DLGAP1: variants seen among roughly 807,000 people sequenced by gnomAD.
DLGAP1 encodes the protein DLG associated protein 1.
A neutral mutation model predicts 90.8 loss-of-function variants in DLGAP1; 11 were observed. That is an observed-to-expected ratio of 0.12 (90% CI 0.08 to 0.20). DLGAP1 has a LOEUF of 0.20. Ranked by LOEUF, DLGAP1 falls within the 10% of genes least tolerant of loss-of-function variation. The pLI is 1.00. For synonymous variants in DLGAP1, 558 were observed against 540.7 expected (o/e 1.03, Z -0.44); for missense variants, 1,050 against 1,333.8 (o/e 0.79, Z 3.31).
intron 1 of DLGAP1, among the ~76,000 whole-genome samples, chr18:4,382,487 CT>C (rs3044414): frequency 0.013 from 1,864 of 140,742 alleles, 18 homozygotes; most frequent in Middle Eastern, 0.026. Flanking sequence ...CAGCATTATG[CT>C]TTTTTTTTTT....
intron 7 of DLGAP1, among the ~76,000 whole-genome samples, chr18:3,680,484 G>A (rs975831027): frequency 1.3e-5 from 2 of 152,154 alleles, no homozygotes; most frequent in African/African-American, 4.8e-5. Context: ...AACCCTCAAT[G>A]CTTAGCCATT....
chr18:4,367,620 C>A (rs1052029421), intron 1 of DLGAP1, among the ~76,000 whole-genome samples: 1 of 152,018 alleles, frequency 6.6e-6, no homozygotes, highest in South Asian at 2.1e-4. Flanking sequence ...GAGGCCGAGG[C>A]GGTTGGATCA....
Position 3,840,071 on chromosome 18 carries a change from C to T in DLGAP1, c.958-25798G>A, listed in dbSNP as rs181915987. Among the ~76,000 whole-genome samples, 362 of 152,348 alleles carry T rather than the reference C, an allele frequency of 2.4e-3. 2 individuals are homozygous for T. The highest frequency in any genetic ancestry group is 3.9e-3 in the Admixed American group (59 of 15,298). ...GCCAGCGTTGCAATTCCTCTGACCA[C>T]GTATTTAGGCACACATATAATATTT... On this transcript the variant is annotated intron_variant, in intron 4 of 12. Transcript: ENST00000315677.
intron 2 of DLGAP1, among the ~76,000 whole-genome samples, chr18:4,083,120 A>G (rs1202961238): frequency 2.0e-5 from 3 of 152,126 alleles, no homozygotes; most frequent in Admixed American, 1.3e-4. Context: ...GATTCCTACT[A>G]TTGGTAGGGG....
intron 1 of DLGAP1, among the ~76,000 whole-genome samples, chr18:4,445,532 G>A (rs375197105): frequency 7.0e-6 from 1 of 142,542 alleles, no homozygotes; most frequent in African/African-American, 2.6e-5. Context: ...CCACCTATGA[G>A]TGAGAATATG....
intron 3 of DLGAP1, among the ~76,000 whole-genome samples, chr18:3,939,993 A>G (rs371039842): frequency 1.3e-5 from 2 of 152,326 alleles, no homozygotes; most frequent in East Asian, 3.9e-4. Flanking sequence ...CTCATGCTGA[A>G]TAGGGCTGAC....
At chr18:4,049,643 A>C (rs967795496) in intron 2 of DLGAP1, among the ~76,000 whole-genome samples, 5 of 152,154 alleles carry the variant, frequency 3.3e-5, no homozygotes, top group Admixed American at 1.3e-4. Context: ...CATCTGCCTT[A>C]GTCCTTGCTC....
rs377133391 is a variant in DLGAP1 at position 4,388,332 on chromosome 18, T to C, written c.-267+66674A>G. The stretch of plus-strand genomic sequence containing the variant: ...AGACGGTTTCGAAGGAAAAAATGGT[T>C]TCAGTTTTGCACATGTGCCTGTGGC... On this transcript the variant is annotated intron_variant, in intron 1 of 12. Transcript: ENST00000315677. 7.2e-5 allele frequency among the ~76,000 whole-genome samples: 11 copies of C among 151,992 alleles called. No individual in the cohort carries two copies. The East Asian group carries it at 2.2e-3, about 30-fold the overall frequency.
intron 1 of DLGAP1, among the ~76,000 whole-genome samples, chr18:4,233,405 T>C (rs1055015495): frequency 6.6e-6 from 1 of 152,208 alleles, no homozygotes; most frequent in Non-Finnish European, 1.5e-5. Context: ...CAGTTTGAGA[T>C]TGTCTGATAT....
rs1043207582 is a variant in DLGAP1, at chr18:4,084,753, G to A, written c.-159+66427C>T. ...CTTTGGGCTTTCATTTCCTGATAAAGACTCCCATGTCATGCAACACTTATT... is the reference window on the plus strand; with the variant it reads ...CTTTGGGCTTTCATTTCCTGATAAAAACTCCCATGTCATGCAACACTTATT... On this transcript the variant is annotated intron_variant, in intron 2 of 12. Transcript: ENST00000315677. The surrounding 1 kb of genome is among the most constrained non-coding windows in gnomAD (Gnocchi z 4.0). Among the ~76,000 whole-genome samples, 1 of 152,102 alleles carries A rather than the reference G, an allele frequency of 6.6e-6. No individual in the cohort carries two copies. The highest frequency in any genetic ancestry group is 1.5e-5 in the Non-Finnish European group (1 of 68,040).
chr18:4,352,546 T>C (rs1034348340), intron 1 of DLGAP1, among the ~76,000 whole-genome samples: 1 of 152,104 alleles, frequency 6.6e-6, no homozygotes, highest in African/African-American at 2.4e-5. Context: ...AATGTCCTCT[T>C]TATTTGTTTG....
chr18:4,161,400 A>T (rs751517401), intron 1 of DLGAP1, among the ~76,000 whole-genome samples: 42 of 152,176 alleles, frequency 2.8e-4, no homozygotes, highest in Admixed American at 4.6e-4. Flanking sequence ...AGCTCTATCC[A>T]TGTCCCTGTA....
At chr18:4,208,939 A>G (rs930760402) in intron 1 of DLGAP1, among the ~76,000 whole-genome samples, 1 of 152,178 alleles carries the variant, frequency 6.6e-6, no homozygotes, top group Non-Finnish European at 1.5e-5. Flanking sequence ...CAGAAAGCAG[A>G]GAGAGCTCCC....
intron 7 of DLGAP1, among the ~76,000 whole-genome samples, chr18:3,658,311 G>C (rs1372351447): frequency 6.6e-6 from 1 of 152,156 alleles, no homozygotes; most frequent in Non-Finnish European, 1.5e-5. Flanking sequence ...AATTTAATTT[G>C]TAATAATGGG....
chr18:3,540,951 G>A (rs571022820), intron 9 of DLGAP1, among the ~76,000 whole-genome samples: 7 of 152,290 alleles, frequency 4.6e-5, no homozygotes, highest in Admixed American at 2.6e-4. Context: ...AGCTGGGCAG[G>A]TGCTAATACC....
intron 2 of DLGAP1, among the ~76,000 whole-genome samples, chr18:4,099,296 CATCTATCTATCTATCTATCTATCT>C (rs35397168): frequency 1.7e-4 from 25 of 144,058 alleles, no homozygotes; most frequent in East Asian, 1.2e-3. Flanking sequence ...ATCTGTCTAT[CATCTATCTATCTATCTATCTATCT>C]ATCTATCTAT....
chr18:4,278,762 A>AC (rs1555776411), intron 1 of DLGAP1, among the ~76,000 whole-genome samples: 20 of 106,590 alleles, frequency 1.9e-4, no homozygotes, highest in Non-Finnish European at 1.7e-5. Context: ...ACACACACAC[A>AC]TATTTTATCT....
chr18:3,931,721 T>C (rs1266177254), intron 3 of DLGAP1, among the ~76,000 whole-genome samples: 1 of 152,160 alleles, frequency 6.6e-6, no homozygotes, highest in Non-Finnish European at 1.5e-5. Context: ...TAAACCTGAA[T>C]GGCCCTTTAG....
At chr18:3,581,294 T>C (rs1264487755) in intron 8 of DLGAP1, among the ~76,000 whole-genome samples, 3 of 152,170 alleles carry the variant, frequency 2.0e-5, no homozygotes, top group Non-Finnish European at 4.4e-5. Context: ...CTCCTCCCTG[T>C]CTTCTCTGAT....
Sources: gnomAD v4.1 joint callset for allele counts (sites outside exome capture counted in the v4.1 genomes callset) on GRCh38, gnomAD v4.1.1 for gene constraint, Gnocchi (gnomAD v3.1) non-coding constraint, MANE v1.5 for transcripts, NCBI Gene and HGNC (gene_info 2026-07-23, HGNC 2026-07-21) for gene names.